Variants in DDX60L observed in about 807,000 individuals in gnomAD.
DDX60L encodes DExD/H-box 60 like, also known as probable ATP-dependent RNA helicase DDX60-like.
Under a neutral mutation model 211.6 loss-of-function variants are expected in DDX60L, and 191 were observed. That is an observed-to-expected ratio of 0.90 (90% CI 0.80 to 1.02). The LOEUF is 1.02. Ranked by LOEUF, DDX60L falls within the 50% of genes least tolerant of loss-of-function variation. The pLI is 0.00. For missense variants in DDX60L, 2,007 were observed against 1,984.1 expected, an observed-to-expected ratio of 1.01 and a Z score of -0.22; for synonymous variants, 706 against 694.1, an observed-to-expected ratio of 1.02 and a Z score of -0.27.
At chr4:168,381,032 C>T (rs531864294) in intron 30 of DDX60L, among the ~76,000 whole-genome samples, 1 of 152,222 alleles carries the variant, frequency 6.6e-6, no homozygotes, top group African/African-American at 2.4e-5. Context: ...TTCTAAGTAG[C>T]AAAGTGTTCA....
chr4:168,411,275 C>T (rs1488822906), intron 22 of DDX60L, among the ~76,000 whole-genome samples: 1 of 152,180 alleles, frequency 6.6e-6, no homozygotes, highest in East Asian at 1.9e-4. Flanking sequence ...TGAGTGATCA[C>T]AGTATCTGGT....
intron 1 of DDX60L, 101 bp from the exon 2 acceptor site, chr4:168,472,910 T>C (rs1579892190): frequency 1.8e-6 from 1 of 559,398 alleles, no homozygotes; most frequent in East Asian, 3.0e-5. Flanking sequence ...GTCTAGTAAA[T>C]AAGCAAAGAT....
At chr4:168,383,332 G>C (rs1293651593) in intron 30 of DDX60L, among the ~76,000 whole-genome samples, 1 of 152,182 alleles carries the variant, frequency 6.6e-6, no homozygotes. Flanking sequence ...AATTAATATA[G>C]AGAGTTCATT....
chr4:168,441,579 G>T, intron 9 of DDX60L, 87 bp from the exon 10 acceptor site: 1 of 1,103,846 alleles, frequency 9.1e-7, no homozygotes, highest in Non-Finnish European at 1.3e-6. Context: ...AATTCATAGA[G>T]CTCTGGAAAG....
intron 19 of DDX60L, among the ~76,000 whole-genome samples, chr4:168,418,257 G>A (rs934883429): frequency 2.6e-5 from 4 of 152,040 alleles, no homozygotes; most frequent in South Asian, 2.1e-4. Flanking sequence ...TAGTAGAGAC[G>A]GGGTTTCACC....
intron 27 of DDX60L, 132 bp from the exon 28 acceptor site, chr4:168,394,749 G>T: frequency 2.7e-6 from 2 of 732,008 alleles, no homozygotes; most frequent in Non-Finnish European, 4.3e-6. Context: ...CTTTGACCCT[G>T]AACCTACATG....
At chr4:168,465,234 C>T (rs367633197) in intron 4 of DDX60L, among the ~76,000 whole-genome samples, 5 of 151,864 alleles carry the variant, frequency 3.3e-5, no homozygotes, top group East Asian at 1.9e-4. Context: ...TGCATTTCTC[C>T]GATGATTAAT....
rs759693221 is a variant in DDX60L at position 168,461,905 on chromosome 4, A to G, written c.400T>C (p.Phe134Leu). 1 of 1,612,122 alleles carries G rather than the reference A, an allele frequency of 6.2e-7. No homozygotes were observed. Among genetic ancestry groups the G allele is most frequent in the Non-Finnish European group, 8.5e-7 (1 of 1,178,972 alleles). Residue 134 changes from phenylalanine (F) to leucine (L), a missense_variant, in exon 5 of 38, where the codon TTC becomes CTC. Coordinates refer to ENST00000682922, the MANE Select transcript of DDX60L (RefSeq NM_001012967.3). ...SGCLSQDWKL[F>L]LEQHYPYFLI... ...AAATACGGGTAATGCTGTTCCAAGA[A>G]TAACTTCCAATCTTGTGATAAGCAT...
intron 36 of DDX60L, among the ~76,000 whole-genome samples, chr4:168,367,370 G>A (rs1267195872): frequency 1.3e-5 from 2 of 152,200 alleles, no homozygotes; most frequent in Non-Finnish European, 2.9e-5. Flanking sequence ...GAATGTCCCT[G>A]TATAAGCTCT....
chr4:168,430,887 A>G (rs1332718034), intron 12 of DDX60L, among the ~76,000 whole-genome samples: 1 of 152,090 alleles, frequency 6.6e-6, no homozygotes, highest in African/African-American at 2.4e-5. Context: ...GGAGAAGAGG[A>G]AGGTTGGGGG....
intron 1 of DDX60L, among the ~76,000 whole-genome samples, chr4:168,475,669 C>T (rs1275242592): frequency 6.6e-6 from 1 of 151,380 alleles, no homozygotes; most frequent in Non-Finnish European, 1.5e-5. Context: ...AAATAGGGAG[C>T]CCAGAAATAG....
In DDX60L at chr4:168,357,157, T is replaced by G. The variant is rs1394090188; in HGVS notation, c.*990A>C. On this transcript the variant is annotated 3_prime_UTR_variant, in exon 38 of 38. Transcript: ENST00000682922. ...GGGTATATATATTTTTTCTGTTAGATACACACTCCTTAATCACTGCCAGGA... is the reference window on the plus strand; with the variant it reads ...GGGTATATATATTTTTTCTGTTAGAGACACACTCCTTAATCACTGCCAGGA... The G allele has an allele frequency of 6.6e-6, 1 of 152,210 alleles. No individual in the cohort carries two copies. Among genetic ancestry groups the G allele is most frequent in the East Asian group, 1.9e-4 (1 of 5,196 alleles). 9.4% of individuals were successfully genotyped at this position (152,210 alleles called of 1,614,324 possible).
intron 25 of DDX60L, among the ~76,000 whole-genome samples, chr4:168,402,530 A>G (rs941083215): frequency 6.6e-6 from 1 of 152,192 alleles, no homozygotes; most frequent in Non-Finnish European, 1.5e-5. Flanking sequence ...ATCACAACCC[A>G]ATGAATTAGT....
intron 4 of DDX60L, among the ~76,000 whole-genome samples, chr4:168,462,850 A>C (rs984613144): frequency 2.6e-5 from 4 of 152,124 alleles, no homozygotes; most frequent in African/African-American, 7.2e-5. Flanking sequence ...ACATGCAGCC[A>C]GTAAGCATAT....
chr4:168,462,231 T>C (rs1757412620), intron 4 of DDX60L, among the ~76,000 whole-genome samples, 191 bp from the exon 5 acceptor site: 1 of 152,220 alleles, frequency 6.6e-6, no homozygotes, highest in Admixed American at 6.5e-5. Context: ...TATAGATTCA[T>C]CTCTTTTATT....
intron 10 of DDX60L, 110 bp downstream of exon 10, chr4:168,441,219 ACAAGAAAG>A (rs1753782470): frequency 1.0e-6 from 1 of 980,886 alleles, no homozygotes; most frequent in African/African-American, 1.6e-5. Context: ...TAAGAGGTAA[ACAAGAAAG>A]CACAGTGAAG....
chr4:168,382,094 T>C (rs1435108745), intron 30 of DDX60L, among the ~76,000 whole-genome samples: 1 of 152,188 alleles, frequency 6.6e-6, no homozygotes. Flanking sequence ...GCCATGATAA[T>C]GAATATATAA....
In DDX60L at chr4:168,471,901, T is replaced by A. The variant is rs759104669; in HGVS notation, c.110A>T (p.Asn37Ile). Residue 37 changes from asparagine (N) to isoleucine (I), a missense_variant, in exon 4 of 38, where the codon AAT (asparagine) becomes ATT (isoleucine). Coordinates refer to ENST00000682922, the MANE Select transcript of DDX60L (RefSeq NM_001012967.3). ...SSILNDFVES[N>I]FFVIDGDSLL... is the part of the protein sequence containing the mutation. ...GGAATCTCCATCAATCACAAAAAAA[T>A]TAGATTCCACAAAATCATTTAATAT... 2.5e-6 allele frequency: 4 copies of A among 1,609,004 alleles called. No homozygotes were observed. Among genetic ancestry groups the A allele is most frequent in the African/African-American group, 2.7e-5 (2 of 74,618 alleles).
At chr4:168,393,185 C>T (rs1360504124) in intron 28 of DDX60L, among the ~76,000 whole-genome samples, 1 of 152,076 alleles carries the variant, frequency 6.6e-6, no homozygotes, top group Non-Finnish European at 1.5e-5. Flanking sequence ...ATATCTAATA[C>T]TCCTCACTCT....
Sources: allele counts gnomAD v4.1 joint callset (sites outside exome capture counted in the v4.1 genomes callset), GRCh38; gene constraint gnomAD v4.1.1; transcripts MANE v1.5; gene names NCBI Gene and HGNC (gene_info 2026-07-23, HGNC 2026-07-21).